The following CLEC4E variants were observed in gnomAD, a reference collection of about 807,000 sequenced individuals.
The protein encoded by CLEC4E is C-type lectin domain family 4 member E.
A neutral mutation model predicts 24.7 loss-of-function variants in CLEC4E; 21 were observed. That is an observed-to-expected ratio of 0.85 (90% CI 0.60 to 1.22). CLEC4E has a LOEUF of 1.22. Ranked by LOEUF, CLEC4E falls within the 50% of genes most tolerant of loss-of-function variation. The probability of loss-of-function intolerance (pLI) is 0.00; values close to 1 mark genes in which losing one functional copy is unlikely to be tolerated. For missense variants in CLEC4E, 249 were observed against 254.1 expected, an observed-to-expected ratio of 0.98 and a Z score of 0.14; for synonymous variants, 94 against 85.7, an observed-to-expected ratio of 1.10 and a Z score of -0.54.
At position 8,537,098 on chromosome 12, in the gene CLEC4E, C is replaced by T. The variant is rs369673502; in HGVS notation, c.372+17G>A. Reference sequence around the variant, plus strand: ...CATGTCGGGAATGTTACATTGGCATCGGAGGACTCCAGCTACCTGCTCCTC... The same window carrying T: ...CATGTCGGGAATGTTACATTGGCATTGGAGGACTCCAGCTACCTGCTCCTC... On this transcript the variant is annotated intron_variant, in intron 4 of 5. Transcript: ENST00000299663. The T allele has an allele frequency of 1.1e-5, 17 of 1,604,762 alleles. No homozygotes were observed. The highest frequency in any genetic ancestry group is 8.0e-5 in the African/African-American group (6 of 74,676).
rs747878798 is a variant in CLEC4E, at chr12:8,536,124, A to T, written c.454T>A (p.Trp152Arg). 6 of 1,613,322 alleles carry T rather than the reference A, an allele frequency of 3.7e-6. No homozygotes were observed. In the East Asian group the frequency reaches 6.7e-5, roughly 18 times the overall value. ...SDQVVEGQWQ[W>R]VDGTPLTKSL... is the part of the protein sequence containing the mutation. Reference sequence around the variant, plus strand: ...TTTGTCAAAGGTGTGCCGTCCACCCATTGCCACTGACCCTCGACAACCTGG... The same window carrying T: ...TTTGTCAAAGGTGTGCCGTCCACCCTTTGCCACTGACCCTCGACAACCTGG... Residue 152 changes from tryptophan to arginine, a missense_variant, in exon 5 of 6, where the codon TGG becomes AGG. Coordinates refer to ENST00000299663, the MANE Select transcript of CLEC4E (RefSeq NM_014358.4).
In CLEC4E at chr12:8,540,825, C is replaced by CTCTT. The variant is rs1382758467; in HGVS notation, c.-29_-28insAAGA. 2.2e-6 allele frequency: 3 copies of CTCTT among 1,370,674 alleles called. No homozygotes were observed. The highest frequency in any genetic ancestry group is 1.4e-5 in the African/African-American group (1 of 69,564). 84.9% of individuals were successfully genotyped at this position (1,370,674 alleles called of 1,614,324 possible). A position where few individuals can be genotyped will look rare whatever the true frequency, so the allele number is the denominator to read the frequency against. On this transcript the variant is annotated 5_prime_UTR_variant, in exon 1 of 6. Transcript: ENST00000299663. Reference sequence around the variant, plus strand: ...TTTCTCTCTCTTTGGTTTTTTGTTTCTCTCTCTCTCTTTTTCTCTCCCTCC... The same window carrying CTCTT: ...TTTCTCTCTCTTTGGTTTTTTGTTTCTCTTTCTCTCTCTCTTTTTCTCTCCCTCC...
chr12:8,534,846 C>CA, intron 5 of CLEC4E, 37 bp from the exon 6 acceptor site: 4 of 1,561,814 alleles, frequency 2.6e-6, no homozygotes, highest in Non-Finnish European at 3.5e-6. Flanking sequence ...AAAATCCCAG[C>CA]AAAAAGAGGT....
Position 8,539,938 on chromosome 12 carries a change from C to T in CLEC4E, c.47G>A (p.Cys16Tyr), listed in dbSNP as rs751884084. 3 of 1,597,606 alleles carry T rather than the reference C, an allele frequency of 1.9e-6. No homozygotes were observed. The Admixed American group carries it at 5.0e-5, about 27-fold the overall frequency. The change falls in exon 2 of 6, where the codon TGC (cysteine) becomes TAC (tyrosine). Residue 16 changes from cysteine (C) to tyrosine (Y), a missense_variant. Physicochemically the swap from Cys to Tyr is radical, Grantham distance 194. Coordinates refer to ENST00000299663, the MANE Select transcript of CLEC4E (RefSeq NM_014358.4). ...CCATAAGAACATTTGGGAAGAGAAG[C>T]ATCCTCTCTCTGTAGAAAGAAAGAC... ...SSETQCTERG[C>Y]FSSQMFLWTV... is the part of the protein sequence containing the mutation.
At chr12:8,536,266 T>A in intron 4 of CLEC4E, 61 bp from the exon 5 acceptor site, 2 of 957,604 alleles carry the variant, frequency 2.1e-6, no homozygotes, top group Non-Finnish European at 3.3e-6. Context: ...ACGTTGCTAG[T>A]AATTATTATT....
chr12:8,537,535 G>T (rs1940631386), intron 3 of CLEC4E, among the ~76,000 whole-genome samples: 1 of 152,196 alleles, frequency 6.6e-6, no homozygotes, highest in Admixed American at 6.5e-5. Context: ...TTATGCTATT[G>T]ATATAGAACC....
Position 8,537,127 on chromosome 12 carries a change from TG to T in CLEC4E, c.359del (p.Ser120TyrfsTer15). On this transcript the variant is annotated frameshift_variant, in exon 4 of 6. Coordinates refer to ENST00000299663, the MANE Select transcript of CLEC4E (RefSeq NM_014358.4). LOFTEE classifies it high-confidence loss of function. ...GGACTCCAGCTACCTGCTCCTCCTG[TG>T]AGTTGATAACCACCAGGTGAGCCCC... ...AMGAHLVVIN[S>X]QEEQEFLSYK... 1 of 1,612,718 alleles carries T rather than the reference TG, an allele frequency of 6.2e-7. No homozygotes were observed. The highest frequency in any genetic ancestry group is 8.5e-7 in the Non-Finnish European group (1 of 1,179,116).
At position 8,537,183 on chromosome 12, in the gene CLEC4E, CCCAGGAAATGGTGT is replaced by C; in HGVS notation, c.290_303del (p.Asp97GlyfsTer32). 1 of 1,613,998 alleles carries C rather than the reference CCCAGGAAATGGTGT, an allele frequency of 6.2e-7. No individual in the cohort carries two copies. Among genetic ancestry groups the C allele is most frequent in the Non-Finnish European group, 8.5e-7 (1 of 1,179,940 alleles). ...GCTGAGCAGTTCTTTAAACTTAACG[CCCAGGAAATGGTGT>C]CAGTAGAAAAGAAGTAGCAGCTGGA... is the stretch of plus-strand genomic sequence containing the variant. On this transcript the variant is annotated frameshift_variant, in exon 4 of 6. Coordinates refer to ENST00000299663, the MANE Select transcript of CLEC4E (RefSeq NM_014358.4). LOFTEE classifies it high-confidence loss of function.
At chr12:8,538,847 C>T (rs944453374) in intron 3 of CLEC4E, 7 of 291,198 alleles carry the variant, frequency 2.4e-5, no homozygotes, top group African/African-American at 1.5e-4. Context: ...GGACTTGCAA[C>T]AGGATGACAT....
intron 3 of CLEC4E, among the ~76,000 whole-genome samples, chr12:8,537,694 G>A (rs1940633192): frequency 6.6e-6 from 1 of 152,166 alleles, no homozygotes; most frequent in Admixed American, 6.5e-5. Flanking sequence ...GATGTGGGCG[G>A]CAAGCCACCC....
intron 3 of CLEC4E, among the ~76,000 whole-genome samples, chr12:8,538,224 G>C (rs776824929): frequency 2.6e-5 from 4 of 152,338 alleles, no homozygotes; most frequent in Middle Eastern, 3.4e-3. Flanking sequence ...AGGCCTAACC[G>C]TCTCCCTGTG....
At position 8,540,853 on chromosome 12, in the gene CLEC4E, CTCTT is replaced by C. The variant is rs1472872564; in HGVS notation, c.-60_-57del. 10 of 1,078,706 alleles carry C rather than the reference CTCTT, an allele frequency of 9.3e-6. No individual in the cohort carries two copies. The highest frequency in any genetic ancestry group is 2.4e-4 in the Middle Eastern group (1 of 4,232). The allele number at this position is 1,078,706 out of a possible 1,614,324, so 66.8% of individuals were successfully genotyped here. On this transcript the variant is annotated 5_prime_UTR_variant, in exon 1 of 6. Transcript: ENST00000299663. ...TCTCTCTCTTTTTCTCTCCCTCCCT[CTCTT>C]TCTTTCTCCTCAGGAGTGTTTTGTT...
rs779668650 is a variant in CLEC4E, at chr12:8,533,952, T to C, written c.*686A>G. 2.0e-4 allele frequency: 31 copies of C among 152,328 alleles called. No homozygotes were observed. The highest frequency in any genetic ancestry group is 6.0e-4 in the African/African-American group (25 of 41,568). 9.4% of individuals were successfully genotyped at this position (152,328 alleles called of 1,614,324 possible). On this transcript the variant is annotated 3_prime_UTR_variant, in exon 6 of 6. Coordinates refer to ENST00000299663, the MANE Select transcript of CLEC4E (RefSeq NM_014358.4). ...ACTCGGGTCCTAGCTGAGCAATAGA[T>C]ACAAAATCTGGTGAGATCCATTCAG...
At chr12:8,535,216 A>G (rs10841847) in intron 5 of CLEC4E, among the ~76,000 whole-genome samples, 88,443 of 152,040 alleles carry the variant, frequency 0.58, 25,854 homozygotes, top group South Asian at 0.69. Context: ...TCCTGCAGTG[A>G]TGTTACAGTG....
intron 5 of CLEC4E, among the ~76,000 whole-genome samples, chr12:8,535,222 C>G (rs867627518): frequency 2.0e-5 from 3 of 152,164 alleles, no homozygotes; most frequent in African/African-American, 7.2e-5. Flanking sequence ...AGTGATGTTA[C>G]AGTGTGGTAG....
At chr12:8,540,673 T>C in intron 1 of CLEC4E, 88 bp downstream of exon 1, 1 of 1,179,132 alleles carries the variant, frequency 8.5e-7, no homozygotes, top group Non-Finnish European at 1.3e-6. Context: ...CTTCAGTGAA[T>C]ACTTTTCTAT....
rs541924052 is a variant in CLEC4E at position 8,533,562 on chromosome 12, T to G, written c.*1076A>C. The G allele has an allele frequency of 2.6e-5, 4 of 152,352 alleles. No homozygotes were observed. In the South Asian group the frequency reaches 6.2e-4, roughly 24 times the overall value. 9.4% of individuals were successfully genotyped at this position (152,352 alleles called of 1,614,324 possible). ...TCTTTTGTGGGAACATCGGTAGAAC[T>G]GGAGACCATTATCCTTAGCAAACAT... is the stretch of plus-strand genomic sequence containing the variant. On this transcript the variant is annotated 3_prime_UTR_variant, in exon 6 of 6. Transcript: ENST00000299663.
At chr12:8,536,314 G>A in intron 4 of CLEC4E, 109 bp from the exon 5 acceptor site, 1 of 579,832 alleles carries the variant, frequency 1.7e-6, no homozygotes, top group South Asian at 1.8e-5. Flanking sequence ...CTAGCACTTT[G>A]GGAGGCCGAG....
chr12:8,537,082 A>T, intron 4 of CLEC4E, 33 bp downstream of exon 4: 3 of 1,594,192 alleles, frequency 1.9e-6, no homozygotes, highest in Non-Finnish European at 1.7e-6. Flanking sequence ...CCATGTCGGG[A>T]ATGTTACATT....
Sources: gnomAD v4.1 joint callset for allele counts (sites outside exome capture counted in the v4.1 genomes callset) on GRCh38, gnomAD v4.1.1 for gene constraint, MANE v1.5 for transcripts, NCBI Gene and HGNC (gene_info 2026-07-23, HGNC 2026-07-21) for gene names.